The following MICU1 variants were observed in gnomAD, a reference collection of about 807,000 sequenced individuals.
MICU1 encodes the protein calcium uptake protein 1, mitochondrial.
A neutral mutation model predicts 56.8 loss-of-function variants in MICU1; 45 were observed. The ratio of observed to expected loss-of-function variants is 0.79; its 90% CI spans 0.62 to 1.02. The LOEUF (loss-of-function observed/expected upper bound fraction) is 1.02. Among genes scored for constraint, MICU1 ranks in the 50% least tolerant of loss-of-function variants. MICU1 has a pLI of 0.00. For missense variants in MICU1, 504 were observed against 587.1 expected, an observed-to-expected ratio of 0.86 and a Z score of 1.46; for synonymous variants, 186 against 195.1, an observed-to-expected ratio of 0.95 and a Z score of 0.39.
At chr10:72,385,650 G>A (rs1862861526) in intron 10 of MICU1, among the ~76,000 whole-genome samples, 2 of 152,160 alleles carry the variant, frequency 1.3e-5, no homozygotes, top group Admixed American at 6.5e-5. Context: ...GATGGCTGGT[G>A]TGCTGAGCAG....
intron 1 of MICU1, among the ~76,000 whole-genome samples, chr10:72,587,522 C>T (rs1418207352): frequency 6.6e-6 from 1 of 150,582 alleles, no homozygotes; most frequent in Non-Finnish European, 1.5e-5. Context: ...GTAATCACAG[C>T]ACTTTGGAAG....
At chr10:72,612,904 TAA>T (rs1841888926) in intron 1 of MICU1, among the ~76,000 whole-genome samples, 1 of 149,816 alleles carries the variant, frequency 6.7e-6, no homozygotes, top group Non-Finnish European at 1.5e-5. Flanking sequence ...ATACAAAGAA[TAA>T]AAAAGAGAGA....
chr10:72,477,258 T>C lies in MICU1; in HGVS notation c.653-2A>G. 2 of 1,533,078 alleles carry C rather than the reference T, an allele frequency of 1.3e-6. No individual in the cohort carries two copies. Among genetic ancestry groups the C allele is most frequent in the Non-Finnish European group, 1.8e-6 (2 of 1,142,036 alleles). 95.0% of individuals were successfully genotyped at this position (1,533,078 alleles called of 1,614,324 possible). On this transcript the variant is annotated splice_acceptor_variant, in intron 6 of 11. Transcript: ENST00000361114. LOFTEE classifies it high-confidence loss of function. The stretch of plus-strand genomic sequence containing the variant: ...CAATTTCAAAATTTCTCTGAGGAGC[T>C]GCAGAGGAGAGAAAAAAAATATTTA...
chr10:72,424,059 A>G (rs1864266097), intron 8 of MICU1, among the ~76,000 whole-genome samples: 1 of 152,162 alleles, frequency 6.6e-6, no homozygotes, highest in African/African-American at 2.4e-5. Flanking sequence ...AGCAAAACAT[A>G]GAACTGTATT....
At chr10:72,465,335 C>T (rs1434689983) in intron 8 of MICU1, among the ~76,000 whole-genome samples, 2 of 107,726 alleles carry the variant, frequency 1.9e-5, no homozygotes, top group African/African-American at 3.0e-5. Context: ...TTGGTAAAAA[C>T]CCTTAAACAT....
intron 8 of MICU1, among the ~76,000 whole-genome samples, chr10:72,441,590 A>G (rs1043584522): frequency 7.4e-6 from 1 of 135,628 alleles, no homozygotes; most frequent in African/African-American, 2.7e-5. Context: ...AAGTCAATAT[A>G]TTTATTCACT....
At chr10:72,378,260 C>T (rs1034037342) in intron 10 of MICU1, among the ~76,000 whole-genome samples, 2 of 151,958 alleles carry the variant, frequency 1.3e-5, no homozygotes, top group Non-Finnish European at 2.9e-5. Flanking sequence ...CTCACAAAAG[C>T]AAAACAAAAA....
intron 5 of MICU1, among the ~76,000 whole-genome samples, chr10:72,521,727 T>A (rs749036574): frequency 1.9e-4 from 29 of 152,078 alleles, no homozygotes; most frequent in Admixed American, 8.5e-4. Context: ...ATCTATATTG[T>A]TCACAATTTC....
At chr10:72,477,580 T>C (rs1866162682) in intron 6 of MICU1, 2 of 1,527,912 alleles carry the variant, frequency 1.3e-6, no homozygotes, top group Non-Finnish European at 1.8e-6. Flanking sequence ...TAACGTTCTG[T>C]TGCTTCAATA....
intron 9 of MICU1, among the ~76,000 whole-genome samples, chr10:72,410,347 T>G (rs529452088): frequency 1.8e-4 from 27 of 152,338 alleles, no homozygotes; most frequent in Admixed American, 1.7e-3. Flanking sequence ...CCAGGCACGG[T>G]GGCTCACGCC....
chr10:72,489,713 C>T (rs186829955), intron 6 of MICU1, among the ~76,000 whole-genome samples: 2 of 152,292 alleles, frequency 1.3e-5, no homozygotes, highest in East Asian at 3.9e-4. Context: ...TTGGTCTCCA[C>T]CCTGTATGTT....
chr10:72,508,563 T>A (rs1372182277), intron 5 of MICU1: 1 of 192,292 alleles, frequency 5.2e-6, no homozygotes, highest in South Asian at 1.8e-4. Flanking sequence ...ACAGGTTTTG[T>A]TTCTTAGTTT....
chr10:72,619,905 G>A (rs926763855), intron 1 of MICU1, among the ~76,000 whole-genome samples: 1 of 152,076 alleles, frequency 6.6e-6, no homozygotes, highest in Non-Finnish European at 1.5e-5. Context: ...GTCTCATTCT[G>A]ACTAGAACAT....
chr10:72,615,699 C>T (rs1841959892), intron 1 of MICU1, among the ~76,000 whole-genome samples: 1 of 152,054 alleles, frequency 6.6e-6, no homozygotes, highest in African/African-American at 2.4e-5. Context: ...TTAACATGTT[C>T]AGTCTTGGCC....
At chr10:72,370,683 G>A (rs1589144232) in intron 11 of MICU1, among the ~76,000 whole-genome samples, 2 of 152,180 alleles carry the variant, frequency 1.3e-5, no homozygotes, top group African/African-American at 2.4e-5. Flanking sequence ...AATAATGCTG[G>A]TTATACAAGT....
At chr10:72,434,071 C>G (rs1864631651) in intron 8 of MICU1, among the ~76,000 whole-genome samples, 1 of 150,928 alleles carries the variant, frequency 6.6e-6, no homozygotes, top group Non-Finnish European at 1.5e-5. Flanking sequence ...TTTTTTTTAA[C>G]CAGCTTAAAT....
In MICU1 at chr10:72,579,599, A is replaced by AT. The variant is rs1403286168; in HGVS notation, c.-1-12806dup. ...ACATTTTTTTCATTTTATTAATAGT[A>AT]TGTTTTTTTTTACCATTAAGTACAT... On this transcript the variant is annotated intron_variant, in intron 1 of 11. Coordinates refer to ENST00000361114, the MANE Select transcript of MICU1 (RefSeq NM_001195518.2). 7.2e-5 allele frequency among the ~76,000 whole-genome samples: 11 copies of AT among 151,796 alleles called. 1 individual carries two copies. The South Asian group carries it at 2.3e-3, about 31-fold the overall frequency.
intron 1 of MICU1, among the ~76,000 whole-genome samples, chr10:72,620,136 C>T (rs1842069721): frequency 6.6e-6 from 1 of 152,088 alleles, no homozygotes; most frequent in Non-Finnish European, 1.5e-5. Flanking sequence ...TTATAACAGA[C>T]ACCAAATCCA....
Position 72,368,005 on chromosome 10 carries a change from G to T in MICU1, c.*190C>A. Reference sequence around the variant, plus strand: ...TTGAGAACCTATGGGGATACTCATTGGGCAGAATCAGAGCCCAGCAGAACA... The same window carrying T: ...TTGAGAACCTATGGGGATACTCATTTGGCAGAATCAGAGCCCAGCAGAACA... On this transcript the variant is annotated 3_prime_UTR_variant, in exon 12 of 12. Transcript: ENST00000361114. The T allele has an allele frequency of 1.7e-6, 1 of 576,272 alleles. No homozygotes were observed. The highest frequency in any genetic ancestry group is 3.0e-6 in the Non-Finnish European group (1 of 329,214). The allele number at this position is 576,272 out of a possible 1,614,324, so 35.7% of individuals were successfully genotyped here. A position where few individuals can be genotyped will look rare whatever the true frequency, so the allele number is the denominator to read the frequency against.
Sources: allele counts gnomAD v4.1 joint callset (sites outside exome capture counted in the v4.1 genomes callset), GRCh38; gene constraint gnomAD v4.1.1; transcripts MANE v1.5; gene names NCBI Gene and HGNC (gene_info 2026-07-23, HGNC 2026-07-21).